MGAT4C: variants seen among roughly 807,000 people sequenced by gnomAD.
MGAT4C encodes the protein MGAT4 family member C, also known as alpha-1,3-mannosyl-glycoprotein 4-beta-N-acetylglucosaminyltransferase C.
MGAT4C carries 19 observed loss-of-function variants against 40.1 expected under a neutral mutation model. The ratio of observed to expected loss-of-function variants is 0.47; its 90% confidence interval spans 0.33 to 0.70. MGAT4C has a LOEUF of 0.70. Ranked by LOEUF, MGAT4C falls within the 30% of genes least tolerant of loss-of-function variation. The pLI is 0.02. For synonymous variants in MGAT4C, 181 were observed against 187.1 expected (o/e 0.97, Z 0.27); for missense variants, 491 against 563.2 (o/e 0.87, Z 1.30).
chr12:86,694,816 C>T (rs962959075), intron 2 of MGAT4C, among the ~76,000 whole-genome samples: 13 of 152,206 alleles, frequency 8.5e-5, no homozygotes, highest in African/African-American at 2.4e-4. Flanking sequence ...GAAACTACAA[C>T]GAGAAAACCT....
chr12:86,250,409 A>G (rs1258875855), intron 1 of MGAT4C, among the ~76,000 whole-genome samples: 3 of 151,934 alleles, frequency 2.0e-5, no homozygotes, highest in African/African-American at 7.2e-5. Flanking sequence ...TCTAATGACT[A>G]TGTTAAGAAT....
chr12:86,643,930 T>C (rs1181323752), intron 2 of MGAT4C, among the ~76,000 whole-genome samples: 1 of 151,804 alleles, frequency 6.6e-6, no homozygotes, highest in East Asian at 1.9e-4. Context: ...TTTGTTGTTT[T>C]GTGAATTAAT....
At chr12:86,420,382 A>T (rs1956797027) in intron 3 of MGAT4C, among the ~76,000 whole-genome samples, 1 of 152,110 alleles carries the variant, frequency 6.6e-6, no homozygotes. Context: ...ATCCTGTCTC[A>T]AAAAGAAAAT....
At chr12:86,538,862 C>A (rs1250959397) in intron 2 of MGAT4C, among the ~76,000 whole-genome samples, 1 of 152,106 alleles carries the variant, frequency 6.6e-6, no homozygotes, top group South Asian at 2.1e-4. Flanking sequence ...CCGCCTCGGT[C>A]TCCCAAAGTA....
chr12:86,042,014 A>G (rs541462483), intron 2 of MGAT4C, among the ~76,000 whole-genome samples: 1 of 152,322 alleles, frequency 6.6e-6, no homozygotes, highest in South Asian at 2.1e-4. Context: ...GTGTATATAT[A>G]TTCAGGATAA....
At chr12:86,688,157 C>CTGT (rs1950107761) in intron 2 of MGAT4C, among the ~76,000 whole-genome samples, 1 of 65,188 alleles carries the variant, frequency 1.5e-5, no homozygotes, top group Admixed American at 2.4e-4. Flanking sequence ...GCAACCCCTG[C>CTGT]TTTTTTTTTT....
At chr12:86,119,260 C>T (rs1878953321) in intron 1 of MGAT4C, among the ~76,000 whole-genome samples, 1 of 151,702 alleles carries the variant, frequency 6.6e-6, no homozygotes, top group Non-Finnish European at 1.5e-5. Flanking sequence ...CCTAAGTATC[C>T]AGAGGAAAAG....
chr12:86,355,412 T>A (rs1955287398), intron 3 of MGAT4C, among the ~76,000 whole-genome samples: 1 of 152,212 alleles, frequency 6.6e-6, no homozygotes, highest in Non-Finnish European at 1.5e-5. Context: ...GGCTAAATAC[T>A]TTCTAGATGT....
rs555281694 is a variant in MGAT4C at position 86,808,745 on chromosome 12, C to T, written c.-262+29921G>A. ...ACAAGGATGCCCTCTCTCACCCCTC[C>T]TACGCAACATAGCATTGGAAGTTTT... On this transcript the variant is annotated intron_variant, in intron 1 of 7. Transcript: ENST00000548651. Among the ~76,000 whole-genome samples, 7 of 152,104 alleles carry T rather than the reference C, an allele frequency of 4.6e-5. No homozygotes were observed. In the South Asian group the frequency reaches 1.5e-3, roughly 32 times the overall value.
chr12:86,809,722 G>A (rs10858493), intron 1 of MGAT4C, among the ~76,000 whole-genome samples: 48,216 of 151,620 alleles, frequency 0.32, 9,494 homozygotes, highest in Admixed American at 0.46. Context: ...TGGCTTGTTT[G>A]GCTGTTGAAT....
chr12:86,405,923 A>C, intron 3 of MGAT4C, among the ~76,000 whole-genome samples: 1 of 27,222 alleles, frequency 3.7e-5, no homozygotes, highest in Middle Eastern at 0.018. Context: ...GTATGTATTT[A>C]TATTATACAT....
At chr12:86,804,028 A>T (rs1593222571) in intron 1 of MGAT4C, among the ~76,000 whole-genome samples, 1 of 136,810 alleles carries the variant, frequency 7.3e-6, no homozygotes, top group Non-Finnish European at 1.6e-5. Context: ...AATGTCCAAC[A>T]ATGATAGACT....
intron 2 of MGAT4C, among the ~76,000 whole-genome samples, chr12:86,663,439 G>A (rs1052325254): frequency 6.6e-6 from 1 of 151,422 alleles, no homozygotes; most frequent in Non-Finnish European, 1.5e-5. Flanking sequence ...AGAAATGAAG[G>A]GGAGATGGTA....
At chr12:86,585,550 T>C (rs1960982934) in intron 2 of MGAT4C, among the ~76,000 whole-genome samples, 1 of 151,410 alleles carries the variant, frequency 6.6e-6, no homozygotes, top group East Asian at 1.9e-4. Context: ...TATAATTTCT[T>C]ATGAGATTGA....
intron 2 of MGAT4C, among the ~76,000 whole-genome samples, chr12:86,626,334 AC>A (rs1188151340): frequency 6.6e-6 from 1 of 152,220 alleles, no homozygotes; most frequent in Non-Finnish European, 1.5e-5. Flanking sequence ...TTTAAAACAA[AC>A]AGTAGAATCT....
At chr12:86,832,376 T>G (rs1353160817) in intron 1 of MGAT4C, among the ~76,000 whole-genome samples, 1 of 151,872 alleles carries the variant, frequency 6.6e-6, no homozygotes, top group Non-Finnish European at 1.5e-5. Context: ...ACTTTCAAAT[T>G]ATACCATTTT....
intron 2 of MGAT4C, among the ~76,000 whole-genome samples, chr12:86,494,254 C>CTTTTT (rs1958194434): frequency 6.6e-6 from 1 of 151,834 alleles, no homozygotes; most frequent in African/African-American, 2.4e-5. Context: ...GTTTATCCAA[C>CTTTTT]TTTTTATTTA....
intron 2 of MGAT4C, among the ~76,000 whole-genome samples, chr12:86,724,379 A>T (rs1433008945): frequency 6.6e-6 from 1 of 152,084 alleles, no homozygotes; most frequent in Non-Finnish European, 1.5e-5. Context: ...TCTGAAACTG[A>T]TTTTTGCTCA....
intron 1 of MGAT4C, among the ~76,000 whole-genome samples, chr12:86,172,708 TCAGAG>T (rs1482904688): frequency 6.6e-6 from 1 of 152,104 alleles, no homozygotes; most frequent in African/African-American, 2.4e-5. Context: ...GAGTTTCAAC[TCAGAG>T]CAAAGAGACC....
Sources: allele counts gnomAD v4.1 joint callset (sites outside exome capture counted in the v4.1 genomes callset), GRCh38; gene constraint gnomAD v4.1.1; transcripts MANE v1.5; gene names NCBI Gene and HGNC (gene_info 2026-07-23, HGNC 2026-07-21).